Variants in GOLGA8M observed in about 807,000 individuals in gnomAD.
GOLGA8M encodes golgin subfamily A member 8M.
In GOLGA8M, 34 loss-of-function variants were observed where a neutral mutation model predicts 87.7. That is an observed-to-expected ratio of 0.39 (90% CI 0.29 to 0.52). The LOEUF is 0.52. Ranked by LOEUF, GOLGA8M falls within the 20% of genes least tolerant of loss-of-function variation. The pLI is 0.80. For missense variants in GOLGA8M, 396 were observed against 682.2 expected, an observed-to-expected ratio of 0.58 and a Z score of 4.67; for synonymous variants, 138 against 250.2, an observed-to-expected ratio of 0.55 and a Z score of 4.23.
rs1175930543 is a variant in GOLGA8M, at chr15:28,700,817, G to C, written c.*1137C>G. Among the ~76,000 whole-genome samples the C allele has an allele frequency of 6.6e-6, 1 of 151,842 alleles. No individual in the cohort carries two copies. Among genetic ancestry groups the C allele is most frequent in the Non-Finnish European group, 1.5e-5 (1 of 68,018 alleles). ...TCTAGATGGTAAAATCAATCTTCAA[G>C]CCTCAAAGAATACGTGAACAGAGAG... On this transcript the variant is annotated 3_prime_UTR_variant, in exon 19 of 19. Coordinates refer to ENST00000563027, the MANE Select transcript of GOLGA8M (RefSeq NM_001282468.3).
At chr15:28,703,437 C>A (rs1486052877) in intron 14 of GOLGA8M, 27 bp from the exon 15 acceptor site, 3 of 642,022 alleles carry the variant, frequency 4.7e-6, no homozygotes, top group African/African-American at 3.0e-5. Context: ...GAGGGGTCTT[C>A]AGACAACCCA....
chr15:28,699,644 C>CTCGTAGTTGTCTT lies in GOLGA8M; in HGVS notation c.*2309_*2310insAAGACAACTACGA, dbSNP rs2079750786. Among the ~76,000 whole-genome samples the CTCGTAGTTGTCTT allele has an allele frequency of 8.1e-6, 1 of 123,106 alleles. No individual in the cohort carries two copies. Among genetic ancestry groups the CTCGTAGTTGTCTT allele is most frequent in the Non-Finnish European group, 1.6e-5 (1 of 63,846 alleles). The allele number at this position is 123,106 out of a possible 152,430, so 80.8% of individuals were successfully genotyped here. A position where few individuals can be genotyped will look rare whatever the true frequency, so the allele number is the denominator to read the frequency against. ...ATTATTGTCAGATTGGTTACAGATG[C>CTCGTAGTTGTCTT]TAAACGCTATCCGAAGGTCATTCCT... On this transcript the variant is annotated 3_prime_UTR_variant, in exon 19 of 19. Transcript: ENST00000563027.
At position 28,702,264 on chromosome 15, in the gene GOLGA8M, C is replaced by T; in HGVS notation, c.1673G>A (p.Gly558Asp). The T allele has an allele frequency of 6.4e-7, 1 of 1,568,694 alleles. No individual in the cohort carries two copies. The highest frequency in any genetic ancestry group is 8.6e-7 in the Non-Finnish European group (1 of 1,167,416). ...CTCCTGGGGAGCTGGGGCTCCTGGA[C>T]CGGGCTCATCAGCAGAGTTGTGGGC... The part of the protein sequence containing the change: ...AAAHNSADEP[G>D]PGAPAPQELG... Residue 558 changes from glycine to aspartate, a missense_variant, in exon 18 of 19, where the codon GGT becomes GAT. Physicochemically the swap from Gly to Asp is moderately conservative, Grantham distance 94 (BLOSUM62 -1). Coordinates refer to ENST00000563027, the MANE Select transcript of GOLGA8M (RefSeq NM_001282468.3).
In GOLGA8M at chr15:28,706,827, C is replaced by T. The variant is rs1479265979; in HGVS notation, c.592-128G>A. ...GTAAAGATCAAGGCATTTCCAAGCC[C>T]GTGGTCTGGTTTTTAAAAGAACACA... On this transcript the variant is annotated intron_variant, in intron 8 of 18. Coordinates refer to ENST00000563027, the MANE Select transcript of GOLGA8M (RefSeq NM_001282468.3). 22 of 851,206 alleles carry T rather than the reference C, an allele frequency of 2.6e-5. 5 individuals carry two copies. Among genetic ancestry groups the T allele is most frequent in the East Asian group, 1.8e-4 (4 of 21,878 alleles). The allele number at this position is 851,206 out of a possible 1,614,324, so 52.7% of individuals were successfully genotyped here. A position where few individuals can be genotyped will look rare whatever the true frequency, so the allele number is the denominator to read the frequency against.
In GOLGA8M at chr15:28,698,707, C is replaced by T. The variant is rs896097272; in HGVS notation, c.*3247G>A. Reference sequence around the variant, plus strand: ...AGCATGCCCAGCATTTGCACAGTATCAATACCTTTAATACTATAGTTTTCA... The same window carrying T: ...AGCATGCCCAGCATTTGCACAGTATTAATACCTTTAATACTATAGTTTTCA... On this transcript the variant is annotated 3_prime_UTR_variant, in exon 19 of 19. Transcript: ENST00000563027. 6.8e-6 allele frequency among the ~76,000 whole-genome samples: 1 copy of T among 146,464 alleles called. No homozygotes were observed.
upstream of GOLGA8M, among the ~76,000 whole-genome samples, chr15:28,712,819 G>A (rs1387043516): frequency 1.3e-5 from 2 of 152,126 alleles, no homozygotes; most frequent in African/African-American, 4.8e-5. Flanking sequence ...TTTGATTACA[G>A]TACAAAAATT....
Position 28,705,237 on chromosome 15 carries a change from G to C in GOLGA8M, c.1132-10C>G, listed in dbSNP as rs1033304021. ...TCTTGTTCTCATTGTTCTGGACAGA[G>C]AGAAGCAATCAGCAGCCACCCACTG... On this transcript the variant is annotated splice_polypyrimidine_tract_variant and intron_variant, in intron 12 of 18. Transcript: ENST00000563027. 110 of 1,597,064 alleles carry C rather than the reference G, an allele frequency of 6.9e-5. No homozygotes were observed. In the African/African-American group the frequency reaches 1.3e-3, roughly 19 times the overall value.
Position 28,702,409 on chromosome 15 carries a change from G to A in GOLGA8M, c.1568-40C>T, listed in dbSNP as rs1289208797. On this transcript the variant is annotated intron_variant, in intron 17 of 18. Transcript: ENST00000563027. ...GCTCAGCTGCCATGCCGCTGCCTGC[G>A]CCCACCCTCACACCCACCCCCACCC... The A allele has an allele frequency of 2.8e-5, 41 of 1,485,536 alleles. No individual in the cohort carries two copies. The East Asian group carries it at 3.3e-4, about 12-fold the overall frequency. The allele number at this position is 1,485,536 out of a possible 1,614,324, so 92.0% of individuals were successfully genotyped here.
rs1450679061 is a variant in GOLGA8M at position 28,700,604 on chromosome 15, T to G, written c.*1350A>C. The stretch of plus-strand genomic sequence containing the variant: ...CATTTTAAGTTTCATAAACTTCTCC[T>G]TGATTTTCAAAGATAGTATAATACC... On this transcript the variant is annotated 3_prime_UTR_variant, in exon 19 of 19. Coordinates refer to ENST00000563027, the MANE Select transcript of GOLGA8M (RefSeq NM_001282468.3). Among the ~76,000 whole-genome samples, 4 of 144,034 alleles carry G rather than the reference T, an allele frequency of 2.8e-5. No homozygotes were observed. The highest frequency in any genetic ancestry group is 6.0e-5 in the Non-Finnish European group (4 of 66,566). 94.5% of individuals were successfully genotyped at this position (144,034 alleles called of 152,430 possible). A position where few individuals can be genotyped will look rare whatever the true frequency, so the allele number is the denominator to read the frequency against.
rs1435532485 is a variant in GOLGA8M at position 28,701,223 on chromosome 15, G to C, written c.*731C>G. On this transcript the variant is annotated 3_prime_UTR_variant, in exon 19 of 19. Coordinates refer to ENST00000563027, the MANE Select transcript of GOLGA8M (RefSeq NM_001282468.3). ...GCCCAGAGCACATACAAATCCTAAG[G>C]GCACCACCATAATACACCGCTAATT... Among the ~76,000 whole-genome samples the C allele has an allele frequency of 6.6e-6, 1 of 151,756 alleles. No homozygotes were observed.
intron 8 of GOLGA8M, among the ~76,000 whole-genome samples, chr15:28,707,359 TACACACAC>T (rs143944957): frequency 1.2e-4 from 14 of 114,322 alleles, no homozygotes; most frequent in Non-Finnish European, 1.8e-4. Flanking sequence ...TCATAGTATG[TACACACAC>T]ACACACACAC....
At chr15:28,704,035 C>A in intron 13 of GOLGA8M, 118 bp from the exon 14 acceptor site, 1 of 1,546,040 alleles carries the variant, frequency 6.5e-7, no homozygotes, top group Non-Finnish European at 8.6e-7. Context: ...GCCATATCGG[C>A]CACCGCTTTG....
rs534355445 is a variant in GOLGA8M, at chr15:28,699,169, A to AT, written c.*2784dup. Among the ~76,000 whole-genome samples the AT allele has an allele frequency of 8.8e-3, 1,252 of 142,610 alleles. 23 individuals are homozygous for AT. Among genetic ancestry groups the AT allele is most frequent in the African/African-American group, 0.03 (1,116 of 37,828 alleles). 93.6% of individuals were successfully genotyped at this position (142,610 alleles called of 152,430 possible). A position where few individuals can be genotyped will look rare whatever the true frequency, so the allele number is the denominator to read the frequency against. On this transcript the variant is annotated 3_prime_UTR_variant, in exon 19 of 19. Transcript: ENST00000563027. ...AAAATCAGCTTTGGTTTTAGAGCTGATTTTTTTTTTCATTTCTGGAAAATT... is the reference window on the plus strand; with the variant it reads ...AAAATCAGCTTTGGTTTTAGAGCTGATTTTTTTTTTTCATTTCTGGAAAATT...
At chr15:28,713,198 G>A (rs2080237747), upstream of GOLGA8M, among the ~76,000 whole-genome samples, 2 of 150,900 alleles carry the variant, frequency 1.3e-5, no homozygotes, top group South Asian at 4.2e-4. Flanking sequence ...AAGGCCGGAT[G>A]TGGTGGCAGG....
rs958515795 is a variant in GOLGA8M, at chr15:28,700,165, TC to T, written c.*1788del. On this transcript the variant is annotated 3_prime_UTR_variant, in exon 19 of 19. Transcript: ENST00000563027. The stretch of plus-strand genomic sequence containing the variant: ...TCGTACTGTTGCTCTCCTGTTAATG[TC>T]ATATTTATAGAAGTATCATGAGGAT... Among the ~76,000 whole-genome samples, 2 of 137,120 alleles carry T rather than the reference TC, an allele frequency of 1.5e-5. 1 individual carries two copies. The highest frequency in any genetic ancestry group is 3.0e-5 in the Non-Finnish European group (2 of 66,904). The allele number at this position is 137,120 out of a possible 152,430, so 90.0% of individuals were successfully genotyped here.
chr15:28,713,211 G>A (rs1385183394), upstream of GOLGA8M, among the ~76,000 whole-genome samples: 1 of 150,946 alleles, frequency 6.6e-6, no homozygotes, highest in African/African-American at 2.4e-5. Context: ...GTGGCAGGCA[G>A]CTGTAGTCTC....
chr15:28,701,624 G>A lies in GOLGA8M; in HGVS notation c.*330C>T, dbSNP rs539344073. 5.8e-4 allele frequency among the ~76,000 whole-genome samples: 88 copies of A among 151,920 alleles called. No individual in the cohort carries two copies. The highest frequency in any genetic ancestry group is 1.3e-3 in the African/African-American group (52 of 41,370). On this transcript the variant is annotated 3_prime_UTR_variant, in exon 19 of 19. Transcript: ENST00000563027. ...AAGCATGGCAGCCTATTCCAAACCA[G>A]CGAGAACAGTTTTGGGCAAAGAGTG...
intron 8 of GOLGA8M, among the ~76,000 whole-genome samples, chr15:28,707,358 GTACACA>G (rs1375491483): frequency 7.6e-6 from 1 of 132,018 alleles, no homozygotes; most frequent in African/African-American, 3.1e-5. Flanking sequence ...ATCATAGTAT[GTACACA>G]CACACACACA....
intron 13 of GOLGA8M, chr15:28,704,899 T>G: frequency 1.2e-6 from 1 of 864,580 alleles, no homozygotes; most frequent in South Asian, 1.4e-5. Flanking sequence ...AGGAGCCTGT[T>G]ATAGCACTGT....
Sources: allele counts gnomAD v4.1 joint callset (sites outside exome capture counted in the v4.1 genomes callset), GRCh38; gene constraint gnomAD v4.1.1; transcripts MANE v1.5; gene names NCBI Gene and HGNC (gene_info 2026-07-23, HGNC 2026-07-21).